STK33: variants seen among roughly 807,000 people sequenced by gnomAD.
The protein encoded by STK33 is serine/threonine-protein kinase 33.
STK33 carries 52 observed loss-of-function variants against 58.0 expected under a neutral mutation model. The ratio of observed to expected loss-of-function variants is 0.90; its 90% CI spans 0.72 to 1.13. STK33 has a LOEUF of 1.13. Among genes scored for constraint, STK33 ranks in the 50% most tolerant of loss-of-function variants. The pLI is 0.00. For synonymous variants in STK33, 215 were observed against 200.1 expected (o/e 1.07, Z -0.63); for missense variants, 630 against 604.2 (o/e 1.04, Z -0.45).
At chr11:8,528,933 T>G (rs752512870) in intron 1 of STK33, among the ~76,000 whole-genome samples, 3 of 152,242 alleles carry the variant, frequency 2.0e-5, no homozygotes, top group Non-Finnish European at 4.4e-5. Flanking sequence ...TCATTTAATC[T>G]TTACAATACC....
At chr11:8,537,203 C>T (rs1374900850) in intron 1 of STK33, among the ~76,000 whole-genome samples, 1 of 151,694 alleles carries the variant, frequency 6.6e-6, no homozygotes, top group Non-Finnish European at 1.5e-5. Context: ...TGGTCTCGAA[C>T]TCCTGACCTC....
intron 1 of STK33, among the ~76,000 whole-genome samples, chr11:8,509,710 C>T (rs1314063655): frequency 1.3e-5 from 2 of 152,052 alleles, no homozygotes; most frequent in East Asian, 3.9e-4. Flanking sequence ...ATTCTTATGC[C>T]TTTGCATCCT....
chr11:8,370,686 T>C, the STK33 span, among the ~76,000 whole-genome samples: 1 of 150,154 alleles, frequency 6.7e-6, no homozygotes, highest in Admixed American at 6.6e-5. Flanking sequence ...AATCAACTGC[T>C]GAAGTTGCAG....
intron 1 of STK33, among the ~76,000 whole-genome samples, chr11:8,504,289 T>C (rs545617927): frequency 7.6e-4 from 115 of 152,156 alleles, no homozygotes; most frequent in Admixed American, 3.2e-3. Flanking sequence ...ATTATTTACA[T>C]TGGGTGTGGG....
chr11:8,428,774 A>T (rs1943071397), intron 14 of STK33, among the ~76,000 whole-genome samples: 1 of 152,214 alleles, frequency 6.6e-6, no homozygotes, highest in African/African-American at 2.4e-5. Context: ...TGGGAGGGAA[A>T]GCAGCCCTAT....
At chr11:8,434,009 G>C in intron 14 of STK33, 1 of 153,088 alleles carries the variant, frequency 6.5e-6, no homozygotes, top group East Asian at 1.9e-4. Context: ...CAGATGATGA[G>C]GCCAAGAGAT....
chr11:8,544,358 T>G (rs1340789238), intron 1 of STK33, among the ~76,000 whole-genome samples: 1 of 148,030 alleles, frequency 6.8e-6, no homozygotes, highest in Middle Eastern at 3.3e-3. Flanking sequence ...TAATTATATA[T>G]ATGTAATACA....
chr11:8,579,173 G>A (rs1245177073), intron 1 of STK33, among the ~76,000 whole-genome samples: 1 of 151,890 alleles, frequency 6.6e-6, no homozygotes, highest in South Asian at 2.1e-4. Flanking sequence ...GATTGGCCCA[G>A]ACCCTGAAGA....
intron 14 of STK33, among the ~76,000 whole-genome samples, chr11:8,428,829 A>C (rs369287511): frequency 2.6e-5 from 4 of 152,200 alleles, no homozygotes; most frequent in African/African-American, 9.6e-5. Context: ...ATGTTTAGTA[A>C]TTCTAAAAAA....
At chr11:8,393,782 C>A (rs867108952) in intron 15 of STK33, among the ~76,000 whole-genome samples, 1 of 152,116 alleles carries the variant, frequency 6.6e-6, no homozygotes, top group Non-Finnish European at 1.5e-5. Context: ...ATGTAATGAC[C>A]ACGTTTAATA....
chr11:8,386,008 C>T, the STK33 span, among the ~76,000 whole-genome samples: 2 of 152,002 alleles, frequency 1.3e-5, no homozygotes, highest in African/African-American at 2.4e-5. Context: ...TCTCTGACCT[C>T]GTGATCCACC....
At chr11:8,455,938 T>C (rs1946811213) in intron 9 of STK33, among the ~76,000 whole-genome samples, 1 of 152,220 alleles carries the variant, frequency 6.6e-6, no homozygotes, top group South Asian at 2.1e-4. Context: ...GGCTTTGTTT[T>C]TGGAATTTTT....
At chr11:8,512,132 T>A (rs1050508713) in intron 1 of STK33, among the ~76,000 whole-genome samples, 9 of 152,162 alleles carry the variant, frequency 5.9e-5, no homozygotes, top group African/African-American at 1.9e-4. Context: ...TTACAGTAGT[T>A]TTCTGTTGGG....
At chr11:8,409,240 G>C (rs1055983710) in intron 15 of STK33, among the ~76,000 whole-genome samples, 3 of 152,178 alleles carry the variant, frequency 2.0e-5, no homozygotes, top group African/African-American at 4.8e-5. Flanking sequence ...GGTTGTGCCA[G>C]GCTAAACTTC....
rs535368476 is a variant in STK33 at position 8,412,454 on chromosome 11, A to C, written c.1344+1041T>G. Among the ~76,000 whole-genome samples, 3 of 152,320 alleles carry C rather than the reference A, an allele frequency of 2.0e-5. No individual in the cohort carries two copies. The South Asian group carries it at 6.2e-4, about 32-fold the overall frequency. On this transcript the variant is annotated intron_variant, in intron 15 of 15. Transcript: ENST00000687296. ...AAACATTTGCTATAAAGTAATGAAG[A>C]AGTTCTCAACCACTAAATCAAAATC...
chr11:8,527,703 T>C (rs1377323999), intron 1 of STK33, among the ~76,000 whole-genome samples: 2 of 152,124 alleles, frequency 1.3e-5, no homozygotes, highest in African/African-American at 2.4e-5. Flanking sequence ...TTATTATATC[T>C]AAGAAGAAGT....
chr11:8,451,531 GA>G (rs943262719), intron 11 of STK33, among the ~76,000 whole-genome samples: 22 of 150,168 alleles, frequency 1.5e-4, no homozygotes, highest in South Asian at 6.3e-4. Context: ...GTGCAGAAAA[GA>G]AAAAAAAAGA....
At chr11:8,362,139 A>G in the STK33 span, among the ~76,000 whole-genome samples, 15 of 152,108 alleles carry the variant, frequency 9.9e-5, no homozygotes, top group Admixed American at 8.5e-4. Context: ...TTGGGAAGGG[A>G]GGGCCGGGGC....
At chr11:8,513,709 A>G (rs532834406) in intron 1 of STK33, among the ~76,000 whole-genome samples, 46 of 152,218 alleles carry the variant, frequency 3.0e-4, no homozygotes, top group Admixed American at 5.9e-4. Context: ...AGGTGTATAT[A>G]TTTATGGGAT....
Sources: gnomAD v4.1 joint callset for allele counts (sites outside exome capture counted in the v4.1 genomes callset) on GRCh38, gnomAD v4.1.1 for gene constraint, MANE v1.5 for transcripts, NCBI Gene and HGNC (gene_info 2026-07-23, HGNC 2026-07-21) for gene names.